The following KCNV1 variants were observed in gnomAD, a reference collection of about 807,000 sequenced individuals.
KCNV1 encodes potassium voltage-gated channel subfamily V member 1.
A neutral mutation model predicts 36.4 loss-of-function variants in KCNV1; 2 were observed. That is an observed-to-expected ratio of 0.05 (90% CI 0.02 to 0.17). The LOEUF is 0.17. KCNV1 is among the 10% of genes least tolerant of loss of function. KCNV1 has a pLI of 1.00. For missense variants in KCNV1, 321 were observed against 643.6 expected, an observed-to-expected ratio of 0.50 and a Z score of 5.42; for synonymous variants, 280 against 261.1, an observed-to-expected ratio of 1.07 and a Z score of -0.70.
At chr8:109,970,018 A>G (rs1819990932) in intron 3 of KCNV1, among the ~76,000 whole-genome samples, 1 of 152,170 alleles carries the variant, frequency 6.6e-6, no homozygotes, top group Admixed American at 6.5e-5. Context: ...AGTCCAAAAC[A>G]ATACCTCTTA....
chr8:109,972,490 G>C lies in KCNV1; in HGVS notation c.759C>G (p.Phe253Leu). The C allele has an allele frequency of 6.2e-7, 1 of 1,614,202 alleles. No individual in the cohort carries two copies. Among genetic ancestry groups the C allele is most frequent in the Non-Finnish European group, 8.5e-7 (1 of 1,180,050 alleles). The change falls in exon 3 of 4, where the codon TTC (phenylalanine) becomes TTG (leucine). Residue 253 changes from phenylalanine to leucine, a missense_variant. Physicochemically the swap from Phe to Leu is conservative, Grantham distance 22. Around this residue, in one of 5 missense-constraint regions of KCNV1, gnomAD observed 141 missense variants for 225.0 expected, o/e 0.63. Coordinates refer to ENST00000524391, the MANE Select transcript of KCNV1 (RefSeq NM_014379.4). This position sits in a 1 kb window ranked among gnomAD's most constrained non-coding sequence, Gnocchi z 5.2. ...GGAAGCGGAGGACAAACTCCCCGGT[G>C]AACCAGCTAATGCACACATACTCCA... ...EILEYVCISW[F>L]TGEFVLRFLC...
At position 109,974,538 on chromosome 8, in the gene KCNV1, C is replaced by T. The variant is rs546888000; in HGVS notation, c.-150G>A. 29 of 616,536 alleles carry T rather than the reference C, an allele frequency of 4.7e-5. No individual in the cohort carries two copies. The highest frequency in any genetic ancestry group is 4.6e-4 in the African/African-American group (25 of 54,250). 38.2% of individuals were successfully genotyped at this position (616,536 alleles called of 1,614,324 possible). On this transcript the variant is annotated 5_prime_UTR_variant, in exon 2 of 4. Coordinates refer to ENST00000524391, the MANE Select transcript of KCNV1 (RefSeq NM_014379.4). This position sits in a 1 kb window ranked among gnomAD's most constrained non-coding sequence, Gnocchi z 6.2. ...TTACCTCTCCTTGGCGCACCCTCTC[C>T]ACCCGCTGTGCGCCTTCCTCCTCCT...
intron 3 of KCNV1, among the ~76,000 whole-genome samples, chr8:109,971,469 T>C (rs1241102337): frequency 1.3e-5 from 2 of 152,172 alleles, no homozygotes. Flanking sequence ...TCATTTTTAA[T>C]CAGTTCCTGT....
chr8:109,973,261 C>T (rs1470940066), intron 2 of KCNV1, among the ~76,000 whole-genome samples: 1 of 152,148 alleles, frequency 6.6e-6, no homozygotes, highest in African/African-American at 2.4e-5. Flanking sequence ...GGATTACAGG[C>T]GTGAGCCACC....
Position 109,972,288 on chromosome 8 carries a change from G to T in KCNV1, c.961C>A (p.Arg321Ser). 6.2e-7 allele frequency: 1 copy of T among 1,609,760 alleles called. No homozygotes were observed. Among genetic ancestry groups the T allele is most frequent in the Non-Finnish European group, 8.5e-7 (1 of 1,178,100 alleles). ...VQVLRLLRAL[R>S]MLKLGRHSTG... ...GAATGTCTGCCCAGCTTTAGCATGC[G>T]CAGAGCCCTGAGCAGCCTCAACACC... is the stretch of plus-strand genomic sequence containing the variant. The change falls in exon 3 of 4, where the codon CGC becomes AGC. Residue 321 changes from arginine to serine, a missense_variant. Coordinates refer to ENST00000524391, the MANE Select transcript of KCNV1 (RefSeq NM_014379.4). The surrounding 1 kb of genome is among the most constrained non-coding windows in gnomAD (Gnocchi z 5.2).
Position 109,964,079 on chromosome 8 carries a change from G to A in KCNV1, c.*4009C>T, listed in dbSNP as rs1287185938. The A allele has an allele frequency of 1.3e-5, 2 of 151,798 alleles. No homozygotes were observed. The highest frequency in any genetic ancestry group is 4.8e-5 in the African/African-American group (2 of 41,308). 9.4% of individuals were successfully genotyped at this position (151,798 alleles called of 1,614,324 possible). A position where few individuals can be genotyped will look rare whatever the true frequency, so the allele number is the denominator to read the frequency against. ...TGAACAGACAACCTACAGATTGGGG[G>A]AAAATATTTGCAAACTATACATCTA... On this transcript the variant is annotated 3_prime_UTR_variant, in exon 4 of 4. Coordinates refer to ENST00000524391, the MANE Select transcript of KCNV1 (RefSeq NM_014379.4).
In KCNV1 at chr8:109,967,136, A is replaced by AT. The variant is rs1261086607; in HGVS notation, c.*951dup. The AT allele has an allele frequency of 2.6e-5, 4 of 152,108 alleles. No homozygotes were observed. Among genetic ancestry groups the AT allele is most frequent in the African/African-American group, 9.7e-5 (4 of 41,432 alleles). 9.4% of individuals were successfully genotyped at this position (152,108 alleles called of 1,614,324 possible). On this transcript the variant is annotated 3_prime_UTR_variant, in exon 4 of 4. Transcript: ENST00000524391. ...CAACAATCAGAAAGCTGTCCATAGT[A>AT]TTTTTTTGTTAACAAGTAAAAGATC...
chr8:109,973,860 C>T (rs1480362716), intron 2 of KCNV1, 68 bp downstream of exon 2: 3 of 1,029,800 alleles, frequency 2.9e-6, no homozygotes, highest in South Asian at 1.5e-5. Flanking sequence ...CTCAAATCTA[C>T]CTGTGCCTTC....
Position 109,974,048 on chromosome 8 carries a change from A to C in KCNV1, c.341T>G (p.Leu114Arg), listed in dbSNP as rs1820047138. ...DRSSQAFRYV[L>R]HYYRTGRLHV... ...CAGGCGGCCGGTGCGGTAGTAGTGC[A>C]GGACATATCGGAACGCCTGCGAGCT... Residue 114 changes from leucine to arginine, a missense_variant, in exon 2 of 4, where the codon CTG (leucine) becomes CGG (arginine). Physicochemically the swap from Leu to Arg is moderately radical, Grantham distance 102. Coordinates refer to ENST00000524391, the MANE Select transcript of KCNV1 (RefSeq NM_014379.4). This position sits in a 1 kb window ranked among gnomAD's most constrained non-coding sequence, Gnocchi z 6.2. The C allele has an allele frequency of 6.2e-7, 1 of 1,613,332 alleles. No individual in the cohort carries two copies. Among genetic ancestry groups the C allele is most frequent in the Non-Finnish European group, 8.5e-7 (1 of 1,179,934 alleles).
chr8:109,972,628 T>C lies in KCNV1; in HGVS notation c.621A>G (p.Thr207=). The change falls in exon 3 of 4, where the codon ACA becomes ACG. Residue 207 remains threonine, a synonymous_variant. Coordinates refer to ENST00000524391, the MANE Select transcript of KCNV1 (RefSeq NM_014379.4). The surrounding 1 kb of genome is among the most constrained non-coding windows in gnomAD (Gnocchi z 5.2). ...AGATGACGCCAAAGATACGGGCAGC[T>C]GTGGAAGATCCAGGTTTCTCCAGGA... ...WNILEKPGSS[T]AARIFGVISI... is the part of the protein sequence containing the mutation. 6.2e-7 allele frequency: 1 copy of C among 1,614,186 alleles called. No individual in the cohort carries two copies. The highest frequency in any genetic ancestry group is 8.5e-7 in the Non-Finnish European group (1 of 1,180,040).
At position 109,966,682 on chromosome 8, in the gene KCNV1, G is replaced by A. The variant is rs1427317359; in HGVS notation, c.*1406C>T. The A allele has an allele frequency of 6.6e-6, 1 of 152,120 alleles. No homozygotes were observed. The highest frequency in any genetic ancestry group is 2.4e-5 in the African/African-American group (1 of 41,414). 9.4% of individuals were successfully genotyped at this position (152,120 alleles called of 1,614,324 possible). A position where few individuals can be genotyped will look rare whatever the true frequency, so the allele number is the denominator to read the frequency against. ...AGCATAATATGATGTCTTAAATAGA[G>A]TTTATGAAATACCTTATAGCTATAT... On this transcript the variant is annotated 3_prime_UTR_variant, in exon 4 of 4. Coordinates refer to ENST00000524391, the MANE Select transcript of KCNV1 (RefSeq NM_014379.4).
chr8:109,973,795 C>T (rs1313704363), intron 2 of KCNV1, 133 bp downstream of exon 2: 1 of 600,676 alleles, frequency 1.7e-6, no homozygotes, highest in African/African-American at 1.9e-5. Context: ...CCTGTCAGCC[C>T]AGAAGTGGCC....
Position 109,972,119 on chromosome 8 carries a change from C to T in KCNV1, c.991+139G>A. 1.1e-6 allele frequency: 1 copy of T among 885,672 alleles called. No individual in the cohort carries two copies. The highest frequency in any genetic ancestry group is 1.7e-6 in the Non-Finnish European group (1 of 599,104). The allele number at this position is 885,672 out of a possible 1,614,324, so 54.9% of individuals were successfully genotyped here. ...TCAATGTTTTGCCTCCCAATATCTCCTTAGAGGTCATGATCAGGTAAAGTA... is the reference window on the plus strand; with the variant it reads ...TCAATGTTTTGCCTCCCAATATCTCTTTAGAGGTCATGATCAGGTAAAGTA... On this transcript the variant is annotated intron_variant, in intron 3 of 3. Coordinates refer to ENST00000524391, the MANE Select transcript of KCNV1 (RefSeq NM_014379.4). The surrounding 1 kb of genome is among the most constrained non-coding windows in gnomAD (Gnocchi z 5.2).
In KCNV1 at chr8:109,972,168, C is replaced by T; in HGVS notation, c.991+90G>A. ...TATGGGAGTTGGTAATTTTGAATATCAGTTCAGCGTTACTTTCCTTGTACT... is the reference window on the plus strand; with the variant it reads ...TATGGGAGTTGGTAATTTTGAATATTAGTTCAGCGTTACTTTCCTTGTACT... On this transcript the variant is annotated intron_variant, in intron 3 of 3. Transcript: ENST00000524391. This position sits in a 1 kb window ranked among gnomAD's most constrained non-coding sequence, Gnocchi z 5.2. 1 of 1,294,700 alleles carries T rather than the reference C, an allele frequency of 7.7e-7. No individual in the cohort carries two copies. The highest frequency in any genetic ancestry group is 1.1e-6 in the Non-Finnish European group (1 of 945,676). The allele number at this position is 1,294,700 out of a possible 1,614,324, so 80.2% of individuals were successfully genotyped here.
chr8:109,964,518 T>C lies in KCNV1; in HGVS notation c.*3570A>G, dbSNP rs1819923279. ...GGGTATATACCCAAGAAATATAAAT[T>C]GTTTTATTATAAAGATACATGCACA... On this transcript the variant is annotated 3_prime_UTR_variant, in exon 4 of 4. Coordinates refer to ENST00000524391, the MANE Select transcript of KCNV1 (RefSeq NM_014379.4). The C allele has an allele frequency of 6.6e-6, 1 of 152,136 alleles. No homozygotes were observed. Among genetic ancestry groups the C allele is most frequent in the Non-Finnish European group, 1.5e-5 (1 of 68,020 alleles). The allele number at this position is 152,136 out of a possible 1,614,324, so 9.4% of individuals were successfully genotyped here.
chr8:109,972,876 T>C lies in KCNV1; in HGVS notation c.462-89A>G. On this transcript the variant is annotated intron_variant, in intron 2 of 3. Transcript: ENST00000524391. This position sits in a 1 kb window ranked among gnomAD's most constrained non-coding sequence, Gnocchi z 5.2. ...TAAACATGGCAGGGAGGTCAGACTTTTTCATTCAACAAAATGCAGAAAAAT... is the reference window on the plus strand; with the variant it reads ...TAAACATGGCAGGGAGGTCAGACTTCTTCATTCAACAAAATGCAGAAAAAT... 8 of 1,039,518 alleles carry C rather than the reference T, an allele frequency of 7.7e-6. No individual in the cohort carries two copies. Among genetic ancestry groups the C allele is most frequent in the Non-Finnish European group, 1.4e-6 (1 of 719,338 alleles). The allele number at this position is 1,039,518 out of a possible 1,614,324, so 64.4% of individuals were successfully genotyped here.
chr8:109,972,670 G>A lies in KCNV1; in HGVS notation c.579C>T (p.Arg193=). Residue 193 remains arginine, a synonymous_variant, in exon 3 of 4, where the codon CGC becomes CGT. Transcript: ENST00000524391. This position sits in a 1 kb window ranked among gnomAD's most constrained non-coding sequence, Gnocchi z 5.2. ...TCTCCAGGATATTCCAGAGCTTCTG[G>A]CGAACAGTGGGACAAGGTCCTTGGG... ...DFSQGPCPTV[R]QKLWNILEKP... is the part of the protein sequence containing the mutation. The A allele has an allele frequency of 6.2e-7, 1 of 1,614,180 alleles. No individual in the cohort carries two copies. The highest frequency in any genetic ancestry group is 8.5e-7 in the Non-Finnish European group (1 of 1,180,022).
intron 3 of KCNV1, among the ~76,000 whole-genome samples, chr8:109,971,408 G>A (rs1385605890): frequency 6.6e-6 from 1 of 152,166 alleles, no homozygotes; most frequent in Non-Finnish European, 1.5e-5. Flanking sequence ...CACAATATCT[G>A]ACAGCTGCAA....
At chr8:109,971,157 C>G (rs1587136255) in intron 3 of KCNV1, among the ~76,000 whole-genome samples, 1 of 152,078 alleles carries the variant, frequency 6.6e-6, no homozygotes. Context: ...TTTGTTTGTG[C>G]TAATATGTAT....
Sources: gnomAD v4.1 joint callset for allele counts (sites outside exome capture counted in the v4.1 genomes callset) on GRCh38, gnomAD v4.1.1 for gene constraint, gnomAD v4.1.1 regional missense constraint, Gnocchi (gnomAD v3.1) non-coding constraint, MANE v1.5 for transcripts, NCBI Gene and HGNC (gene_info 2026-07-23, HGNC 2026-07-21) for gene names.